The following USP9Y variants were observed in gnomAD, a reference collection of about 807,000 sequenced individuals.
USP9Y encodes ubiquitin carboxyl-terminal hydrolase 9Y.
USP9Y carries 41 observed loss-of-function variants against 53.1 expected under a neutral mutation model. The ratio of observed to expected loss-of-function variants is 0.77; its 90% CI spans 0.60 to 1.00. The LOEUF (loss-of-function observed/expected upper bound fraction) is 1.00, where lower values mean the gene tolerates loss of function less well. USP9Y is among the 50% of genes least tolerant of loss of function. USP9Y has a pLI of 0.00. For synonymous variants in USP9Y, 220 were observed against 173.7 expected (o/e 1.27, Z -2.09); for missense variants, 567 against 535.8 (o/e 1.06, Z -0.58).
At chrY:12,742,618 A>G in intron 12 of USP9Y, among the ~76,000 whole-genome samples, 5 of 33,150 alleles carry the variant, frequency 1.5e-4, no homozygotes, top group Non-Finnish European at 3.7e-4. Flanking sequence ...CCTCTCACTA[A>G]TAACTACTAA....
Position 12,736,568 on chromosome Y carries a change from T to A in USP9Y, c.1164+19T>A. 1 of 393,660 alleles carries A rather than the reference T, an allele frequency of 2.5e-6. No homozygotes were observed. Among genetic ancestry groups the A allele is most frequent in the Admixed American group, 7.5e-5 (1 of 13,329 alleles). On this transcript the variant is annotated intron_variant, in intron 10 of 45. Coordinates refer to ENST00000338981, the MANE Select transcript of USP9Y (RefSeq NM_004654.4). ...AATGGCAGTAAGCCTCTTAAATCTT[T>A]TATTGTGAATAAGACACTGCTTATG...
At chrY:12,746,126 A>T in intron 12 of USP9Y, among the ~76,000 whole-genome samples, 1 of 33,974 alleles carries the variant, frequency 2.9e-5, no homozygotes, top group Non-Finnish European at 7.3e-5. Context: ...TATTTCCATG[A>T]CTTAAAATAA....
At position 12,859,402 on chromosome Y, in the gene USP9Y, A is replaced by G. The variant is rs776911413; in HGVS notation, c.7654A>G (p.Met2552Val). ...EGNEEVSSPQ[M>V]KDQ ...CAATGAAGAAGTATCCTCACCTCAGATGAAGGATCAGTGAAAAGCAATAAT... is the reference window on the plus strand; with the variant it reads ...CAATGAAGAAGTATCCTCACCTCAGGTGAAGGATCAGTGAAAAGCAATAAT... Residue 2552 changes from methionine (M) to valine (V), a missense_variant, in exon 46 of 46, where the codon ATG becomes GTG. By Grantham distance (21) the Met-to-Val change is conservative. Coordinates refer to ENST00000338981, the MANE Select transcript of USP9Y (RefSeq NM_004654.4). 2 of 395,896 alleles carry G rather than the reference A, an allele frequency of 5.1e-6. No individual in the cohort carries two copies. The highest frequency in any genetic ancestry group is 7.6e-5 in the Admixed American group (1 of 13,103).
chrY:12,859,336 C>A lies in USP9Y; in HGVS notation c.7588C>A (p.Pro2530Thr). 2.5e-6 allele frequency: 1 copy of A among 397,914 alleles called. No homozygotes were observed. Residue 2530 changes from proline (P) to threonine (T), a missense_variant, in exon 46 of 46, where the codon CCT (proline) becomes ACT (threonine). Physicochemically the swap from Pro to Thr is conservative, Grantham distance 38. Coordinates refer to ENST00000338981, the MANE Select transcript of USP9Y (RefSeq NM_004654.4). Reference protein sequence around the residue: ...TGPAAHHLNNPQKTGQRTQEN... With the variant: ...TGPAAHHLNNTQKTGQRTQEN... ...ACCAGCAGCACATCACTTGAACAAC[C>A]CTCAGAAAACAGGCCAACGAACACA...
At chrY:12,780,614 G>A in intron 22 of USP9Y, among the ~76,000 whole-genome samples, 1 of 32,887 alleles carries the variant, frequency 3.0e-5, no homozygotes, top group East Asian at 7.9e-4. Flanking sequence ...TTTTTACTTG[G>A]AGTTGGTTGA....
chrY:12,850,452 A>C, intron 42 of USP9Y, among the ~76,000 whole-genome samples: 1 of 25,703 alleles, frequency 3.9e-5, no homozygotes, highest in Non-Finnish European at 9.0e-5. Flanking sequence ...TATCTCTTTC[A>C]GTTCTGCTCT....
chrY:12,736,575 G>A, intron 10 of USP9Y, 26 bp downstream of exon 10: 1 of 388,857 alleles, frequency 2.6e-6, no homozygotes, highest in Non-Finnish European at 3.6e-6. Flanking sequence ...CTTTTATTGT[G>A]AATAAGACAC....
chrY:12,713,891 CTTT>C, intron 3 of USP9Y, among the ~76,000 whole-genome samples: 1 of 16,733 alleles, frequency 6.0e-5, no homozygotes, highest in South Asian at 1.5e-3. Flanking sequence ...ATAATTGCTT[CTTT>C]TTTTTTTTTT....
intron 12 of USP9Y, among the ~76,000 whole-genome samples, chrY:12,749,530 T>G: frequency 3.0e-5 from 1 of 33,528 alleles, no homozygotes; most frequent in Non-Finnish European, 7.4e-5. Flanking sequence ...GCTCTGCTGG[T>G]GATAACCCTT....
At chrY:12,820,667 TC>T (rs2053540796) in intron 33 of USP9Y, among the ~76,000 whole-genome samples, 2 of 33,625 alleles carry the variant, frequency 5.9e-5, no homozygotes, top group African/African-American at 2.3e-4. Flanking sequence ...TCGACTTTTT[TC>T]TGCAATCTAG....
At chrY:12,741,397 A>G in intron 12 of USP9Y, among the ~76,000 whole-genome samples, 1 of 32,705 alleles carries the variant, frequency 3.1e-5, no homozygotes, top group Non-Finnish European at 7.5e-5. Context: ...GCCAATTATC[A>G]GTTCTTCGTG....
chrY:12,767,727 A>T, intron 15 of USP9Y, among the ~76,000 whole-genome samples: 1 of 32,328 alleles, frequency 3.1e-5, no homozygotes, highest in Admixed American at 2.8e-4. Flanking sequence ...ATATCAAACA[A>T]TTCAGCTTTT....
chrY:12,772,637 C>T (rs529891388), intron 16 of USP9Y, among the ~76,000 whole-genome samples: 2 of 29,945 alleles, frequency 6.7e-5, no homozygotes, highest in African/African-American at 2.7e-4. Flanking sequence ...TGGTGGCACA[C>T]GCCTGTAATC....
intron 27 of USP9Y, among the ~76,000 whole-genome samples, chrY:12,797,171 G>A (rs2053513804): frequency 3.0e-5 from 1 of 33,724 alleles, no homozygotes; most frequent in South Asian, 6.6e-4. Flanking sequence ...CATGTATATT[G>A]TTGTCAATGA....
chrY:12,728,583 C>T, intron 7 of USP9Y, among the ~76,000 whole-genome samples: 3 of 32,642 alleles, frequency 9.2e-5, no homozygotes, highest in Non-Finnish European at 2.2e-4. Context: ...TTCATGGTTG[C>T]GTCTTGGGTA....
chrY:12,826,867 A>C (rs767843184), intron 33 of USP9Y, among the ~76,000 whole-genome samples: 1 of 33,057 alleles, frequency 3.0e-5, no homozygotes, highest in East Asian at 7.8e-4. Flanking sequence ...AAGTACATTA[A>C]ACTATGGCTT....
chrY:12,790,222 A>G (rs752897787), intron 24 of USP9Y, among the ~76,000 whole-genome samples, 185 bp from the exon 25 acceptor site: 1 of 32,935 alleles, frequency 3.0e-5, no homozygotes, highest in East Asian at 7.8e-4. Context: ...AGACAGCTCC[A>G]TAATGTTGGC....
At chrY:12,755,959 G>T (rs2053467936) in intron 12 of USP9Y, among the ~76,000 whole-genome samples, 1 of 32,732 alleles carries the variant, frequency 3.1e-5, no homozygotes, top group Admixed American at 2.8e-4. Flanking sequence ...ACTGCTATGT[G>T]GGGGGGAATT....
At chrY:12,786,498 C>T in intron 23 of USP9Y, 24 bp from the exon 24 acceptor site, 1 of 350,822 alleles carries the variant, frequency 2.9e-6, no homozygotes, top group Non-Finnish European at 3.9e-6. Context: ...TTAATATACT[C>T]TCCTTTTTTT....
Sources: gnomAD v4.1 joint callset for allele counts (sites outside exome capture counted in the v4.1 genomes callset) on GRCh38, gnomAD v4.1.1 for gene constraint, MANE v1.5 for transcripts, NCBI Gene and HGNC (gene_info 2026-07-23, HGNC 2026-07-21) for gene names.